ADGRB3: variants seen among roughly 807,000 people sequenced by gnomAD.
The protein encoded by ADGRB3 is adhesion G protein-coupled receptor B3.
ADGRB3 carries 37 observed loss-of-function variants against 193.4 expected under a neutral mutation model. The observed-to-expected ratio is 0.19, with a 90% CI of 0.15 to 0.25. The LOEUF is 0.25. Ranked by LOEUF, ADGRB3 falls within the 10% of genes least tolerant of loss-of-function variation. The pLI, the probability that ADGRB3 is intolerant of heterozygous loss-of-function variation, is 1.00. For missense variants in ADGRB3, 1,637 were observed against 1,852.9 expected (o/e 0.88, Z 2.14); for synonymous variants, 690 against 644.2 (o/e 1.07, Z -1.08).
At chr6:69,126,953 G>T (rs749469178) in intron 17 of ADGRB3, among the ~76,000 whole-genome samples, 3 of 152,186 alleles carry the variant, frequency 2.0e-5, no homozygotes, top group Admixed American at 6.5e-5. Context: ...ATATGAGACA[G>T]AATTGCTTTG....
chr6:69,018,092 G>T (rs1165210887), intron 12 of ADGRB3, among the ~76,000 whole-genome samples: 3 of 151,856 alleles, frequency 2.0e-5, no homozygotes, highest in Admixed American at 6.6e-5. Context: ...GTGATGAAAA[G>T]AGTTCATCAA....
chr6:68,693,002 CA>C (rs1248892018), intron 3 of ADGRB3, among the ~76,000 whole-genome samples: 1 of 151,070 alleles, frequency 6.6e-6, no homozygotes, highest in African/African-American at 2.4e-5. Context: ...CCACTTATTT[CA>C]AATTTAAAAC....
chr6:68,665,045 T>G (rs1279771260), intron 3 of ADGRB3, among the ~76,000 whole-genome samples: 1 of 151,792 alleles, frequency 6.6e-6, no homozygotes, highest in East Asian at 1.9e-4. Context: ...CCTCCCACCT[T>G]CACCAGGCTT....
intron 17 of ADGRB3, among the ~76,000 whole-genome samples, chr6:69,208,525 G>A (rs1295223900): frequency 2.0e-5 from 3 of 152,192 alleles, no homozygotes; most frequent in African/African-American, 2.4e-5. Flanking sequence ...AAGATTTCCC[G>A]TCACTGCTAT....
chr6:69,318,258 A>C (rs947870274), intron 20 of ADGRB3, among the ~76,000 whole-genome samples: 1 of 151,476 alleles, frequency 6.6e-6, no homozygotes, highest in African/African-American at 2.4e-5. Context: ...ACTTCAATAT[A>C]TAATTTCCAA....
chr6:69,123,429 A>G (rs759828126), intron 17 of ADGRB3, among the ~76,000 whole-genome samples: 2 of 152,192 alleles, frequency 1.3e-5, no homozygotes, highest in Non-Finnish European at 2.9e-5. Context: ...CAGCAAATAT[A>G]TACTGAGATT....
At chr6:68,727,595 A>C (rs1765696625) in intron 3 of ADGRB3, among the ~76,000 whole-genome samples, 1 of 151,482 alleles carries the variant, frequency 6.6e-6, no homozygotes, top group African/African-American at 2.4e-5. Flanking sequence ...TTTTCCTGAA[A>C]AGTCACTCTT....
chr6:69,079,580 A>G (rs762958468), intron 17 of ADGRB3, among the ~76,000 whole-genome samples: 1 of 152,258 alleles, frequency 6.6e-6, no homozygotes, highest in African/African-American at 2.4e-5. Context: ...GGCCAGGGCA[A>G]TCAGGCAAGG....
At chr6:69,107,240 C>A (rs1379483075) in intron 17 of ADGRB3, among the ~76,000 whole-genome samples, 1 of 152,068 alleles carries the variant, frequency 6.6e-6, no homozygotes, top group Non-Finnish European at 1.5e-5. Flanking sequence ...AATTATATTT[C>A]TACTTATGTA....
At chr6:68,874,756 G>A (rs551098318) in intron 3 of ADGRB3, among the ~76,000 whole-genome samples, 86 of 152,150 alleles carry the variant, frequency 5.7e-4, no homozygotes, top group Non-Finnish European at 6.5e-4. Flanking sequence ...ACTGATGACT[G>A]TGTATCAAAC....
chr6:69,283,909 T>C (rs1767495663), intron 20 of ADGRB3, among the ~76,000 whole-genome samples: 1 of 152,174 alleles, frequency 6.6e-6, no homozygotes, highest in Non-Finnish European at 1.5e-5. Context: ...CTTGTACATA[T>C]TCCCCCATTA....
intron 17 of ADGRB3, among the ~76,000 whole-genome samples, chr6:69,080,888 A>G (rs941520677): frequency 2.6e-5 from 4 of 152,040 alleles, no homozygotes; most frequent in Non-Finnish European, 4.4e-5. Context: ...TCACAATTGT[A>G]TGACAAACGT....
At chr6:69,288,446 C>G (rs561014444) in intron 20 of ADGRB3, among the ~76,000 whole-genome samples, 1 of 152,114 alleles carries the variant, frequency 6.6e-6, no homozygotes, top group South Asian at 2.1e-4. Context: ...ATTGCAGCAC[C>G]GTTCACGATA....
At chr6:69,233,478 C>A in intron 18 of ADGRB3, 62 bp downstream of exon 18, 2 of 1,592,940 alleles carry the variant, frequency 1.3e-6, no homozygotes, top group South Asian at 2.3e-5. Flanking sequence ...GCTAGTGTTT[C>A]TCCAGGGAAC....
At chr6:69,253,158 G>A (rs1004625409) in intron 20 of ADGRB3, among the ~76,000 whole-genome samples, 48 of 151,886 alleles carry the variant, frequency 3.2e-4, no homozygotes, top group Non-Finnish European at 1.0e-4. Flanking sequence ...TCCTTATGTC[G>A]ATGCCATAAT....
chr6:68,792,380 G>A (rs1345789917), intron 3 of ADGRB3, among the ~76,000 whole-genome samples: 3 of 152,278 alleles, frequency 2.0e-5, no homozygotes, highest in South Asian at 2.1e-4. Context: ...CCTGTCCTAT[G>A]AGCATTAATG....
At chr6:69,018,251 T>C (rs1038167335) in intron 12 of ADGRB3, 140 bp from the exon 13 acceptor site, 1 of 503,718 alleles carries the variant, frequency 2.0e-6, no homozygotes, top group African/African-American at 1.9e-5. Flanking sequence ...ATTTAAAAAA[T>C]ACAGCTATTG....
intron 31 of ADGRB3, among the ~76,000 whole-genome samples, chr6:69,383,440 C>T (rs1159810980): frequency 6.6e-6 from 1 of 151,982 alleles, no homozygotes; most frequent in Non-Finnish European, 1.5e-5. Flanking sequence ...TGACCATTCT[C>T]TTCTCATTCA....
intron 3 of ADGRB3, among the ~76,000 whole-genome samples, chr6:68,914,368 A>T (rs1256375975): frequency 6.6e-6 from 1 of 152,198 alleles, no homozygotes; most frequent in Non-Finnish European, 1.5e-5. Flanking sequence ...TACAAGCCAG[A>T]AGAGTGTGGA....
Sources: gnomAD v4.1 joint callset for allele counts (sites outside exome capture counted in the v4.1 genomes callset) on GRCh38, gnomAD v4.1.1 for gene constraint, MANE v1.5 for transcripts, NCBI Gene and HGNC (gene_info 2026-07-23, HGNC 2026-07-21) for gene names.